ANK2: variants seen among roughly 807,000 people sequenced by gnomAD.
ANK2 encodes the protein ankyrin 2.
ANK2 carries 83 observed loss-of-function variants against 360.5 expected under a neutral mutation model. That is an observed-to-expected ratio of 0.23 (90% CI 0.19 to 0.28). The LOEUF (loss-of-function observed/expected upper bound fraction) is 0.28. Ranked by LOEUF, ANK2 falls within the 10% of genes least tolerant of loss-of-function variation. The pLI is 1.00. For synonymous variants in ANK2, 1,740 were observed against 1,759.5 expected (o/e 0.99, Z 0.28); for missense variants, 4,201 against 4,795.7 (o/e 0.88, Z 3.66).
chr4:112,828,447 C>G (rs2058925250), intron 1 of ANK2, among the ~76,000 whole-genome samples: 2 of 152,158 alleles, frequency 1.3e-5, no homozygotes, highest in South Asian at 4.2e-4. Flanking sequence ...CTTGGCCAGG[C>G]TGGTGTTGAA....
At chr4:112,769,055 G>A in the ANK2 span, among the ~76,000 whole-genome samples, 1 of 152,160 alleles carries the variant, frequency 6.6e-6, no homozygotes, top group African/African-American at 2.4e-5. Flanking sequence ...ACATGGCTCC[G>A]CTGAACGTGA....
intron 1 of ANK2, among the ~76,000 whole-genome samples, chr4:112,831,826 G>A (rs181984933): frequency 1.3e-5 from 2 of 152,178 alleles, no homozygotes; most frequent in South Asian, 2.1e-4. Flanking sequence ...AACTCACTGG[G>A]AGGAATGAAC....
chr4:112,771,292 A>G, the ANK2 span, among the ~76,000 whole-genome samples: 2 of 151,544 alleles, frequency 1.3e-5, no homozygotes, highest in Non-Finnish European at 2.9e-5. Flanking sequence ...TTTGTTTTGT[A>G]TTTTTAGTAG....
chr4:113,290,398 A>C (rs2066934100), intron 20 of ANK2, among the ~76,000 whole-genome samples: 1 of 152,168 alleles, frequency 6.6e-6, no homozygotes, highest in Admixed American at 6.5e-5. Context: ...ATGTAAACAT[A>C]TACATTAACT....
At chr4:113,091,784 G>A (rs941482945) in intron 1 of ANK2, among the ~76,000 whole-genome samples, 4 of 152,206 alleles carry the variant, frequency 2.6e-5, no homozygotes, top group Non-Finnish European at 4.4e-5. Context: ...AATGCTTTGC[G>A]ATGGTTATAG....
chr4:112,791,369 T>C, the ANK2 span, among the ~76,000 whole-genome samples: 3 of 152,070 alleles, frequency 2.0e-5, no homozygotes, highest in African/African-American at 4.8e-5. Flanking sequence ...TAGGGGTACA[T>C]ATTCGTAAAA....
chr4:113,381,509 C>T lies in ANK2; in HGVS notation c.*38C>T, dbSNP rs865981540. 5 of 1,614,026 alleles carry T rather than the reference C, an allele frequency of 3.1e-6. No homozygotes were observed. The highest frequency in any genetic ancestry group is 1.6e-4 in the Middle Eastern group (1 of 6,062). On this transcript the variant is annotated 3_prime_UTR_variant, in exon 46 of 46. Transcript: ENST00000357077. ...GAAGAGGGCTGTGGTGAAGGACCAG[C>T]ATGGAAAACGCATTGACTTGGAGCA...
rs571006413 is a variant in ANK2 at position 112,828,867 on chromosome 4, AAGG to A, written c.-40+10607_-40+10609del. 1.5e-3 allele frequency among the ~76,000 whole-genome samples: 223 copies of A among 152,344 alleles called. 1 individual carries two copies. Among genetic ancestry groups the A allele is most frequent in the Non-Finnish European group, 1.7e-3 (114 of 68,034 alleles). On this transcript the variant is annotated intron_variant, in intron 1 of 30. Transcript: ENST00000503271. ...AAACAACCCTATTTAAAAATGGGCA[AAGG>A]AGGCTGGGTGTGGTGGTTCACACCT...
At chr4:112,933,259 G>A (rs886395472) in intron 2 of ANK2, among the ~76,000 whole-genome samples, 1 of 152,126 alleles carries the variant, frequency 6.6e-6, no homozygotes, top group African/African-American at 2.4e-5. Flanking sequence ...GTTATTAATT[G>A]TTAAATCTAA....
intron 2 of ANK2, among the ~76,000 whole-genome samples, chr4:112,940,639 T>C (rs1435216784): frequency 1.3e-5 from 2 of 152,212 alleles, no homozygotes; most frequent in Non-Finnish European, 2.9e-5. Context: ...GAATAACTGC[T>C]GTAGGATTTT....
At chr4:113,043,003 A>G (rs2063342124) in intron 2 of ANK2, among the ~76,000 whole-genome samples, 1 of 152,120 alleles carries the variant, frequency 6.6e-6, no homozygotes, top group African/African-American at 2.4e-5. Flanking sequence ...TGTAAGGAAA[A>G]AGATTATCTA....
At chr4:112,851,342 G>T (rs982114677) in intron 1 of ANK2, among the ~76,000 whole-genome samples, 1 of 152,176 alleles carries the variant, frequency 6.6e-6, no homozygotes, top group African/African-American at 2.4e-5. Context: ...TCAACCTCAC[G>T]TGGGGAGGGG....
the ANK2 span, among the ~76,000 whole-genome samples, chr4:112,707,582 T>A: frequency 6.6e-6 from 1 of 152,210 alleles, no homozygotes; most frequent in Non-Finnish European, 1.5e-5. Flanking sequence ...CATTCAAGAA[T>A]GAAGGTGAAA....
chr4:112,954,865 TA>T (rs1406986968), intron 2 of ANK2, among the ~76,000 whole-genome samples: 1 of 152,136 alleles, frequency 6.6e-6, no homozygotes, highest in Non-Finnish European at 1.5e-5. Context: ...TTTGGAAATA[TA>T]TATTAAAAGC....
At chr4:113,207,579 T>C (rs2098966728) in intron 4 of ANK2, among the ~76,000 whole-genome samples, 1 of 151,846 alleles carries the variant, frequency 6.6e-6, no homozygotes, top group Admixed American at 6.6e-5. Flanking sequence ...ATTCTGCTTC[T>C]TACCTCAAAT....
intron 1 of ANK2, chr4:113,151,203 A>C: frequency 8.5e-7 from 1 of 1,171,796 alleles, no homozygotes; most frequent in Non-Finnish European, 1.1e-6. Context: ...CCTTCTGCTC[A>C]AAAAAGGAAT....
At chr4:112,965,014 C>T (rs1247867499) in intron 2 of ANK2, among the ~76,000 whole-genome samples, 1 of 152,172 alleles carries the variant, frequency 6.6e-6, no homozygotes, top group Non-Finnish European at 1.5e-5. Context: ...GGGGTATATA[C>T]CCAGCAGTGG....
At chr4:113,374,169 C>T (rs1406081339) in intron 45 of ANK2, among the ~76,000 whole-genome samples, 1 of 152,202 alleles carries the variant, frequency 6.6e-6, no homozygotes, top group Non-Finnish European at 1.5e-5. Flanking sequence ...AATGATCCAC[C>T]CGCCTCAGCC....
chr4:113,310,583 A>G (rs1181451721), intron 23 of ANK2, among the ~76,000 whole-genome samples: 2 of 152,020 alleles, frequency 1.3e-5, no homozygotes, highest in Non-Finnish European at 2.9e-5. Context: ...CGCCCAGCTA[A>G]TTTTTGTATT....
Sources: gnomAD v4.1 joint callset for allele counts (sites outside exome capture counted in the v4.1 genomes callset) on GRCh38, gnomAD v4.1.1 for gene constraint, MANE v1.5 for transcripts, NCBI Gene and HGNC (gene_info 2026-07-23, HGNC 2026-07-21) for gene names.